PCDHGB1: variants seen among roughly 807,000 people sequenced by gnomAD.
PCDHGB1 encodes protocadherin gamma-B1.
In PCDHGB1, 34 loss-of-function variants were observed where a neutral mutation model predicts 56.6. The ratio of observed to expected loss-of-function variants is 0.60; its 90% CI spans 0.46 to 0.80. The LOEUF (loss-of-function observed/expected upper bound fraction) is 0.80, where lower values mean the gene tolerates loss of function less well. Ranked by LOEUF, PCDHGB1 falls within the 30% of genes least tolerant of loss-of-function variation. The pLI is 0.00. For synonymous variants in PCDHGB1, 561 were observed against 505.9 expected (o/e 1.11, Z -1.46); for missense variants, 1,278 against 1,204.6 (o/e 1.06, Z -0.90).
chr5:141,432,935 C>T lies in PCDHGB1; in HGVS notation c.2410-61872C>T. The T allele has an allele frequency of 4.3e-6, 7 of 1,614,218 alleles. No homozygotes were observed. The highest frequency in any genetic ancestry group is 5.1e-6 in the Non-Finnish European group (6 of 1,180,046). On this transcript the variant is annotated intron_variant, in intron 1 of 3. Transcript: ENST00000523390. This position sits in a 1 kb window ranked among gnomAD's most constrained non-coding sequence, Gnocchi z 6.0. The stretch of plus-strand genomic sequence containing the variant: ...GCGCTGGCACAAGTCACGCCTGCTG[C>T]AGGCTTCAGGAGGCGGCTTGACAGG...
chr5:141,359,214 T>C (rs1406319381), intron 1 of PCDHGB1, among the ~76,000 whole-genome samples: 1 of 152,134 alleles, frequency 6.6e-6, no homozygotes, highest in Non-Finnish European at 1.5e-5. Context: ...GAGAGACAAC[T>C]TACATCTGAG....
chr5:141,447,709 T>C (rs896203283), intron 1 of PCDHGB1, among the ~76,000 whole-genome samples: 1 of 152,210 alleles, frequency 6.6e-6, no homozygotes, highest in East Asian at 1.9e-4. Context: ...TATAAGGATG[T>C]ACACATTTTC....
intron 1 of PCDHGB1, chr5:141,355,055 C>A (rs916093092): frequency 2.3e-5 from 28 of 1,224,238 alleles, no homozygotes; most frequent in Non-Finnish European, 2.8e-5. Context: ...AAAGCACTGG[C>A]TCTGGAGCTT....
chr5:141,422,811 C>T (rs748248571), intron 1 of PCDHGB1: 1 of 1,614,248 alleles, frequency 6.2e-7, no homozygotes, highest in Non-Finnish European at 8.5e-7. Context: ...AGTTTCGAGA[C>T]TTAGAACTGA....
chr5:141,497,693 C>T (rs2099778709), intron 2 of PCDHGB1, among the ~76,000 whole-genome samples: 2 of 152,136 alleles, frequency 1.3e-5, no homozygotes, highest in Admixed American at 6.5e-5. Context: ...GTGTGCACCA[C>T]CACACCCAGC....
rs1415742545 is a variant in PCDHGB1, at chr5:141,350,477, A to G, written c.217A>G (p.Asn73Asp). The change falls in exon 1 of 4, where the codon AAC (asparagine) becomes GAC (aspartate). Residue 73 changes from asparagine (N) to aspartate (D), a missense_variant. Transcript: ENST00000523390. ...GCGGGTTAGTGCAGAGGATTATTTC[A>G]ACGTTAGTTTGGAGAGCGGGGATTT... ...KLRVSAEDYF[N>D]VSLESGDLLV... 1.2e-6 allele frequency: 2 copies of G among 1,613,856 alleles called. No individual in the cohort carries two copies. Among genetic ancestry groups the G allele is most frequent in the African/African-American group, 2.7e-5 (2 of 74,908 alleles).
At chr5:141,360,535 A>T in intron 1 of PCDHGB1, 1 of 1,613,976 alleles carries the variant, frequency 6.2e-7, no homozygotes, top group Non-Finnish European at 8.5e-7. Flanking sequence ...CCCGCTATTC[A>T]AACAGACTAA....
At chr5:141,428,008 T>C (rs2097099623) in intron 1 of PCDHGB1, 4 of 1,601,848 alleles carry the variant, frequency 2.5e-6, no homozygotes, top group Admixed American at 3.3e-5. Context: ...CTCTTCGATA[T>C]AGTGCCACGC....
chr5:141,361,987 A>G (rs1194727117), intron 1 of PCDHGB1: 2 of 1,601,686 alleles, frequency 1.2e-6, no homozygotes, highest in African/African-American at 1.3e-5. Context: ...CGGGCTCTTC[A>G]GCCTGGGGTT....
chr5:141,432,870 T>C lies in PCDHGB1; in HGVS notation c.2410-61937T>C, dbSNP rs1022024380. The stretch of plus-strand genomic sequence containing the variant: ...GCGGTGGCCGCGGTCTCCTGCGTCT[T>C]CCTGGCCTTCGTCATCTTGCTGCTG... On this transcript the variant is annotated intron_variant, in intron 1 of 3. Transcript: ENST00000523390. This position sits in a 1 kb window ranked among gnomAD's most constrained non-coding sequence, Gnocchi z 6.0. The C allele has an allele frequency of 1.9e-6, 3 of 1,614,030 alleles. No homozygotes were observed. In the African/African-American group the frequency reaches 4.0e-5, roughly 22 times the overall value.
intron 1 of PCDHGB1, among the ~76,000 whole-genome samples, chr5:141,467,397 TAGAA>T (rs1326936900): frequency 6.6e-6 from 1 of 152,106 alleles, no homozygotes; most frequent in Non-Finnish European, 1.5e-5. Flanking sequence ...AAGTCATAGT[TAGAA>T]AGCCTTTCCC....
intron 1 of PCDHGB1, chr5:141,413,447 C>T: frequency 2.5e-6 from 4 of 1,614,088 alleles, no homozygotes; most frequent in Non-Finnish European, 3.4e-6. Flanking sequence ...TTGATCACCG[C>T]GGGCAGGATA....
At position 141,476,030 on chromosome 5, in the gene PCDHGB1, G is replaced by A; in HGVS notation, c.2410-18777G>A. On this transcript the variant is annotated intron_variant, in intron 1 of 3. Coordinates refer to ENST00000523390, the MANE Select transcript of PCDHGB1 (RefSeq NM_018922.3). This position sits in a 1 kb window ranked among gnomAD's most constrained non-coding sequence, Gnocchi z 7.6. ...AAAGCCATGTCGGACTCGGCGCCCA[G>A]CGCCCAAGCGCTAACCCGCTGAAAG... 2.7e-6 allele frequency: 4 copies of A among 1,459,176 alleles called. No individual in the cohort carries two copies. The highest frequency in any genetic ancestry group is 3.6e-6 in the Non-Finnish European group (4 of 1,096,658). The allele number at this position is 1,459,176 out of a possible 1,614,324, so 90.4% of individuals were successfully genotyped here. A position where few individuals can be genotyped will look rare whatever the true frequency, so the allele number is the denominator to read the frequency against.
At chr5:141,371,417 T>C in intron 1 of PCDHGB1, 3 of 1,613,948 alleles carry the variant, frequency 1.9e-6, no homozygotes, top group Middle Eastern at 1.6e-4. Context: ...CAGATGAAAA[T>C]GACAATGCCC....
At chr5:141,426,052 G>T (rs2096912121) in intron 1 of PCDHGB1, among the ~76,000 whole-genome samples, 1 of 152,162 alleles carries the variant, frequency 6.6e-6, no homozygotes, top group South Asian at 2.1e-4. Flanking sequence ...TGGCCAATGT[G>T]CTGCAAGAAC....
At chr5:141,478,870 G>A (rs1463992722) in intron 1 of PCDHGB1, 6 of 1,273,242 alleles carry the variant, frequency 4.7e-6, no homozygotes, top group Non-Finnish European at 5.2e-6. Flanking sequence ...AGCGATCAGA[G>A]TTTAGCTTGG....
Position 141,477,707 on chromosome 5 carries a change from C to T in PCDHGB1, c.2410-17100C>T. ...AGTGCCCCTAGACTATGAGGATCGG[C>T]GGGAATTTGAATTAACAGCTCATAT... On this transcript the variant is annotated intron_variant, in intron 1 of 3. Transcript: ENST00000523390. The surrounding 1 kb of genome is among the most constrained non-coding windows in gnomAD (Gnocchi z 4.9). 6.2e-7 allele frequency: 1 copy of T among 1,613,952 alleles called. No individual in the cohort carries two copies. Among genetic ancestry groups the T allele is most frequent in the South Asian group, 1.1e-5 (1 of 91,086 alleles).
At chr5:141,473,375 T>C (rs1433212994) in intron 1 of PCDHGB1, among the ~76,000 whole-genome samples, 1 of 152,192 alleles carries the variant, frequency 6.6e-6, no homozygotes, top group African/African-American at 2.4e-5. Flanking sequence ...AATAGCATGG[T>C]CCCTGCCCTC....
At chr5:141,370,580 T>C (rs1289069128) in intron 1 of PCDHGB1, 1 of 1,613,918 alleles carries the variant, frequency 6.2e-7, no homozygotes, top group Non-Finnish European at 8.5e-7. Context: ...GGGATTTACC[T>C]ACTAGGAACC....
Sources: allele counts gnomAD v4.1 joint callset (sites outside exome capture counted in the v4.1 genomes callset), GRCh38; gene constraint gnomAD v4.1.1; non-coding constraint Gnocchi (gnomAD v3.1); transcripts MANE v1.5; gene names NCBI Gene and HGNC (gene_info 2026-07-23, HGNC 2026-07-21).